BRI3BP: variants seen among roughly 807,000 people sequenced by gnomAD.
BRI3BP encodes the protein BRI3 binding protein.
A neutral mutation model predicts 15.8 loss-of-function variants in BRI3BP; 7 were observed. The observed-to-expected ratio is 0.44, with a 90% CI of 0.25 to 0.83. The LOEUF is 0.83. BRI3BP is among the 40% of genes least tolerant of loss of function. BRI3BP has a pLI of 0.20. For synonymous variants in BRI3BP, 192 were observed against 163.5 expected (o/e 1.17, Z -1.33); for missense variants, 320 against 339.3 (o/e 0.94, Z 0.45).
intron 1 of BRI3BP, among the ~76,000 whole-genome samples, chr12:125,003,338 T>C (rs556500834): frequency 6.1e-4 from 93 of 152,270 alleles, no homozygotes; most frequent in African/African-American, 2.0e-3. Context: ...CTTGAAGCAA[T>C]CTTGTTCCCT....
At chr12:125,005,483 G>T (rs1955133749) in intron 1 of BRI3BP, among the ~76,000 whole-genome samples, 2 of 152,052 alleles carry the variant, frequency 1.3e-5, no homozygotes, top group South Asian at 4.2e-4. Flanking sequence ...AGATCTAGAG[G>T]CCTGGCCAGG....
rs1285919366 is a variant in BRI3BP at position 125,028,178 on chromosome 12, T to C, written c.*2748T>C. ...GTTTAGGTACTAAAACAGCTTTGCT[T>C]ATGTTGGCCAGGGGAAAACATGGCA... On this transcript the variant is annotated 3_prime_UTR_variant, in exon 3 of 3. Transcript: ENST00000341446. 2.0e-5 allele frequency: 3 copies of C among 152,270 alleles called. No individual in the cohort carries two copies. Among genetic ancestry groups the C allele is most frequent in the Admixed American group, 2.0e-4 (3 of 15,282 alleles). 9.4% of individuals were successfully genotyped at this position (152,270 alleles called of 1,614,324 possible).
At chr12:125,000,596 G>A (rs1304948648) in intron 1 of BRI3BP, among the ~76,000 whole-genome samples, 1 of 152,016 alleles carries the variant, frequency 6.6e-6, no homozygotes, top group Non-Finnish European at 1.5e-5. Flanking sequence ...ACAGGCGTGA[G>A]CCACCACGCC....
intron 1 of BRI3BP, among the ~76,000 whole-genome samples, chr12:125,007,237 G>A (rs887274806): frequency 6.6e-6 from 1 of 151,816 alleles, no homozygotes; most frequent in South Asian, 2.1e-4. Context: ...TGACAAACAT[G>A]TACAAGTCAC....
chr12:125,041,510 T>C, the BRI3BP span, among the ~76,000 whole-genome samples: 2 of 152,096 alleles, frequency 1.3e-5, no homozygotes, highest in African/African-American at 2.4e-5. Context: ...TCAGGACACA[T>C]GTCCTGAAAC....
At chr12:125,033,094 C>T (rs532373533), downstream of BRI3BP, among the ~76,000 whole-genome samples, 1 of 152,292 alleles carries the variant, frequency 6.6e-6, no homozygotes, top group South Asian at 2.1e-4. Context: ...AAAATAGAAT[C>T]TCGGGATCTC....
chr12:124,996,302 T>C, intron 1 of BRI3BP, among the ~76,000 whole-genome samples: 1 of 152,172 alleles, frequency 6.6e-6, no homozygotes, highest in East Asian at 1.9e-4. Flanking sequence ...TTTTTTAAAT[T>C]TAATTAATTA....
intron 2 of BRI3BP, 26 bp from the exon 3 acceptor site, chr12:125,024,965 C>T (rs1479198707): frequency 5.7e-6 from 9 of 1,584,258 alleles, no homozygotes; most frequent in African/African-American, 1.3e-5. Context: ...GCGTAACGAG[C>T]CCTGTTCCTC....
intron 1 of BRI3BP, among the ~76,000 whole-genome samples, chr12:124,994,731 C>T (rs79944684): frequency 0.024 from 3,637 of 152,212 alleles, 127 homozygotes; most frequent in African/African-American, 0.082. Context: ...CGAAGTCCGC[C>T]GACTAGCTCT....
At chr12:125,011,392 A>G (rs138235300) in intron 1 of BRI3BP, among the ~76,000 whole-genome samples, 89 of 152,284 alleles carry the variant, frequency 5.8e-4, no homozygotes, top group African/African-American at 1.9e-3. Flanking sequence ...TTTCCCCTGT[A>G]ATAGCCAAGG....
At chr12:125,008,584 TA>T (rs1955169785) in intron 1 of BRI3BP, among the ~76,000 whole-genome samples, 1 of 151,912 alleles carries the variant, frequency 6.6e-6, no homozygotes, top group Admixed American at 6.6e-5. Context: ...GTGCTGGGAT[TA>T]CAGGCATGAG....
intron 1 of BRI3BP, among the ~76,000 whole-genome samples, chr12:124,996,301 TTTAA>T (rs759659561): frequency 2.5e-4 from 38 of 152,196 alleles, no homozygotes; most frequent in African/African-American, 5.3e-4. Flanking sequence ...TTTTTTTAAA[TTTAA>T]TTAATTAATT....
At chr12:125,047,993 G>A in the BRI3BP span, among the ~76,000 whole-genome samples, 13 of 147,116 alleles carry the variant, frequency 8.8e-5, no homozygotes, top group Admixed American at 3.5e-4. Flanking sequence ...TACTGTGCCC[G>A]GCCTACTTTT....
chr12:125,017,257 C>G (rs2135996352), intron 2 of BRI3BP, among the ~76,000 whole-genome samples: 1 of 151,534 alleles, frequency 6.6e-6, no homozygotes, highest in Non-Finnish European at 1.5e-5. Context: ...CTCCTGACCT[C>G]ATGATCCACC....
intron 1 of BRI3BP, among the ~76,000 whole-genome samples, chr12:124,995,816 A>G (rs916493147): frequency 1.3e-5 from 2 of 152,200 alleles, no homozygotes; most frequent in African/African-American, 2.4e-5. Flanking sequence ...CAGAGTGGAC[A>G]TGGAGCCCAC....
At chr12:125,004,171 A>T (rs964678741) in intron 1 of BRI3BP, among the ~76,000 whole-genome samples, 1 of 152,076 alleles carries the variant, frequency 6.6e-6, no homozygotes, top group African/African-American at 2.4e-5. Context: ...TAAATTTTTA[A>T]ATTTTTTTAA....
chr12:125,035,490 C>A (rs1258809627), downstream of BRI3BP, among the ~76,000 whole-genome samples: 1 of 151,184 alleles, frequency 6.6e-6, no homozygotes. Flanking sequence ...ACCTCCCAGG[C>A]TCAGGCAGTT....
downstream of BRI3BP, among the ~76,000 whole-genome samples, chr12:125,035,240 G>A (rs140131021): frequency 3.3e-3 from 500 of 152,218 alleles, 3 homozygotes; most frequent in African/African-American, 0.011. Flanking sequence ...GAGGGTATAG[G>A]TTTAACTTTT....
intron 1 of BRI3BP, among the ~76,000 whole-genome samples, chr12:124,998,251 C>T (rs935754302): frequency 9.9e-5 from 15 of 152,084 alleles, no homozygotes; most frequent in South Asian, 2.1e-4. Flanking sequence ...TGAGTCGCCC[C>T]ACTGCACTCA....
Sources: allele counts gnomAD v4.1 joint callset (sites outside exome capture counted in the v4.1 genomes callset), GRCh38; gene constraint gnomAD v4.1.1; transcripts MANE v1.5; gene names NCBI Gene and HGNC (gene_info 2026-07-23, HGNC 2026-07-21).